The following CHD8 variants were observed in gnomAD, a reference collection of about 807,000 sequenced individuals.
CHD8 encodes chromodomain helicase DNA binding protein 8.
Under a neutral mutation model 279.2 loss-of-function variants are expected in CHD8, and 31 were observed. The ratio of observed to expected loss-of-function variants is 0.11; its 90% confidence interval spans 0.08 to 0.15. The LOEUF is 0.15. Among genes scored for constraint, CHD8 ranks in the 10% least tolerant of loss-of-function variants. The pLI, the probability that CHD8 is intolerant of heterozygous loss-of-function variation, is 1.00. For synonymous variants in CHD8, 1,081 were observed against 1,139.6 expected (o/e 0.95, Z 1.04); for missense variants, 2,146 against 3,230.5 (o/e 0.66, Z 8.14).
intron 26 of CHD8, chr14:21,399,263 G>A (rs1002988866): frequency 3.3e-5 from 10 of 303,004 alleles, no homozygotes; most frequent in Admixed American, 1.8e-4. Flanking sequence ...TAAATTAAGT[G>A]TGATTATTAT....
intron 27 of CHD8, among the ~76,000 whole-genome samples, chr14:21,396,109 C>T (rs1887772067): frequency 6.6e-6 from 1 of 151,996 alleles, no homozygotes; most frequent in African/African-American, 2.4e-5. Flanking sequence ...CGATCCTCCT[C>T]CCTCAGCCTC....
At position 21,392,513 on chromosome 14, in the gene CHD8, G is replaced by C; in HGVS notation, c.6765C>G (p.Ile2255Met). The C allele has an allele frequency of 1.9e-6, 3 of 1,611,608 alleles. No homozygotes were observed. Among genetic ancestry groups the C allele is most frequent in the Non-Finnish European group, 2.5e-6 (3 of 1,179,360 alleles). ...GCCCAAATGCTGAGCTTACATCTTTGATTTGAACTGTAAACTCCTTTTCAT... is the reference window on the plus strand; with the variant it reads ...GCCCAAATGCTGAGCTTACATCTTTCATTTGAACTGTAAACTCCTTTTCAT... ...GMDEKEFTVQIKDEEGLKLTF... is the reference protein window; with the variant it reads ...GMDEKEFTVQMKDEEGLKLTF... Residue 2255 changes from isoleucine to methionine, a missense_variant, in exon 34 of 38, where the codon ATC (isoleucine) becomes ATG (methionine). Coordinates refer to ENST00000646647, the MANE Select transcript of CHD8 (RefSeq NM_001170629.2).
chr14:21,432,863 A>G (rs1889621480), intron 1 of CHD8, among the ~76,000 whole-genome samples: 1 of 152,212 alleles, frequency 6.6e-6, no homozygotes, highest in African/African-American at 2.4e-5. Context: ...TTTTATTATA[A>G]TGACCTAAGT....
chr14:21,385,863 G>GGGTGGT lies in CHD8; in HGVS notation c.7490_7495dup (p.His2497_His2498dup), dbSNP rs774490485. Reference sequence around the variant, plus strand: ...GTGATGGTGGTGATGGTGGGGGTGGGGGTGGTGGTGGTGGTGATGAAGCAT... The same window carrying GGGTGGT: ...GTGATGGTGGTGATGGTGGGGGTGGGGGTGGTGGTGGTGGTGGTGGTGATGAAGCAT... On this transcript the variant is annotated inframe_insertion, in exon 38 of 38. Coordinates refer to ENST00000646647, the MANE Select transcript of CHD8 (RefSeq NM_001170629.2). The GGGTGGT allele has an allele frequency of 3.2e-6, 5 of 1,542,422 alleles. No homozygotes were observed. The highest frequency in any genetic ancestry group is 1.4e-5 in the African/African-American group (1 of 72,652).
chr14:21,418,920 A>G (rs1452477699), intron 5 of CHD8, among the ~76,000 whole-genome samples: 1 of 152,224 alleles, frequency 6.6e-6, no homozygotes, highest in Admixed American at 6.5e-5. Context: ...GGAGTGAGGA[A>G]CTGGACTGAC....
rs1393660860 is a variant in CHD8, at chr14:21,403,223, ATCGC to A, written c.3519-15_3519-12del. On this transcript the variant is annotated splice_polypyrimidine_tract_variant and intron_variant, in intron 17 of 37. Coordinates refer to ENST00000646647, the MANE Select transcript of CHD8 (RefSeq NM_001170629.2). This position sits in a 1 kb window ranked among gnomAD's most constrained non-coding sequence, Gnocchi z 4.3. ...CGTTCATATAAGTACCTGTATGGGA[ATCGC>A]AGAAAAAAAATGTAAGTGGCTAAGC... is the stretch of plus-strand genomic sequence containing the variant. 6.2e-7 allele frequency: 1 copy of A among 1,610,760 alleles called. No individual in the cohort carries two copies.
chr14:21,436,654 C>T (rs1889790553), intron 1 of CHD8, among the ~76,000 whole-genome samples: 1 of 152,124 alleles, frequency 6.6e-6, no homozygotes, highest in Non-Finnish European at 1.5e-5. Context: ...AGAAAGCACT[C>T]ACACCTCAAT....
chr14:21,404,398 T>TAAA (rs974957250), intron 16 of CHD8, among the ~76,000 whole-genome samples: 4 of 98,634 alleles, frequency 4.1e-5, no homozygotes, highest in Non-Finnish European at 4.2e-5. Flanking sequence ...AACTCCATCT[T>TAAA]AAAAAAAAAA....
chr14:21,424,563 A>C (rs1889217555), intron 5 of CHD8, among the ~76,000 whole-genome samples: 1 of 151,948 alleles, frequency 6.6e-6, no homozygotes, highest in Non-Finnish European at 1.5e-5. Context: ...CTCTGCTTCT[A>C]GGGTTCATGC....
intron 10 of CHD8, among the ~76,000 whole-genome samples, chr14:21,411,936 C>T (rs1050131246): frequency 3.9e-5 from 6 of 151,964 alleles, no homozygotes; most frequent in South Asian, 2.1e-4. Flanking sequence ...TGATGGCACA[C>T]GCTTGCAGTC....
chr14:21,443,322 T>C lies in CHD8; in HGVS notation c.-215-11464A>G, dbSNP rs973699665. On this transcript the variant is annotated intron_variant, in intron 1 of 37. Transcript: ENST00000646647. ...AGGAGAATGGCGTGAACCCGGGAGG[T>C]GGAGCTTGCAGTGAGCCGAGACTGC... Among the ~76,000 whole-genome samples, 46 of 148,736 alleles carry C rather than the reference T, an allele frequency of 3.1e-4. 2 individuals carry two copies. Among genetic ancestry groups the C allele is most frequent in the Admixed American group, 2.9e-3 (44 of 14,952 alleles).
chr14:21,437,877 C>G (rs1214864352), intron 1 of CHD8, among the ~76,000 whole-genome samples: 1 of 152,048 alleles, frequency 6.6e-6, no homozygotes, highest in Non-Finnish European at 1.5e-5. Flanking sequence ...ACCCTTAGCC[C>G]GCTCAAAACA....
intron 27 of CHD8, chr14:21,396,473 A>T (rs1182210101): frequency 6.6e-6 from 1 of 152,094 alleles, no homozygotes; most frequent in Non-Finnish European, 1.5e-5. Flanking sequence ...ATGCCAGGCT[A>T]ATTTTTGTAT....
intron 1 of CHD8, among the ~76,000 whole-genome samples, chr14:21,442,413 C>T (rs1889999711): frequency 6.6e-6 from 1 of 151,950 alleles, no homozygotes; most frequent in South Asian, 2.1e-4. Flanking sequence ...TGCAGTGAGT[C>T]AAGACTGTGC....
chr14:21,402,983 GGTAGTTA>G lies in CHD8; in HGVS notation c.3714+27_3714+33del. On this transcript the variant is annotated intron_variant, in intron 18 of 37. Coordinates refer to ENST00000646647, the MANE Select transcript of CHD8 (RefSeq NM_001170629.2). The surrounding 1 kb of genome is among the most constrained non-coding windows in gnomAD (Gnocchi z 4.5). ...TCTTGTTGAAAAATCTCCCAAGTTA[GGTAGTTA>G]GTCCCTAAGACAATGAATTCCTTTA... 1 of 1,532,074 alleles carries G rather than the reference GGTAGTTA, an allele frequency of 6.5e-7. No individual in the cohort carries two copies. Among genetic ancestry groups the G allele is most frequent in the Admixed American group, 1.8e-5 (1 of 54,920 alleles). The allele number at this position is 1,532,074 out of a possible 1,614,324, so 94.9% of individuals were successfully genotyped here. A position where few individuals can be genotyped will look rare whatever the true frequency, so the allele number is the denominator to read the frequency against.
At chr14:21,417,580 C>G (rs1448183375) in intron 5 of CHD8, among the ~76,000 whole-genome samples, 1 of 151,864 alleles carries the variant, frequency 6.6e-6, no homozygotes, top group Admixed American at 6.6e-5. Context: ...AATAGCCGGG[C>G]ACGGTGGCTC....
chr14:21,392,973 G>GTA, intron 33 of CHD8, 133 bp downstream of exon 33: 1 of 914,878 alleles, frequency 1.1e-6, no homozygotes, highest in Non-Finnish European at 1.5e-6. Context: ...GAAGTTTCCT[G>GTA]GAAAAAAAAA....
intron 5 of CHD8, among the ~76,000 whole-genome samples, chr14:21,423,269 C>CTT (rs1199273229): frequency 6.6e-6 from 1 of 152,006 alleles, no homozygotes; most frequent in East Asian, 1.9e-4. Flanking sequence ...GTTCTAAAGG[C>CTT]TGGTAAGTCC....
intron 1 of CHD8, among the ~76,000 whole-genome samples, chr14:21,438,259 C>G (rs1400740494): frequency 6.6e-6 from 1 of 152,032 alleles, no homozygotes; most frequent in Non-Finnish European, 1.5e-5. Flanking sequence ...CAGGGTTTCA[C>G]TATGTTGGCT....
Sources: allele counts gnomAD v4.1 joint callset (sites outside exome capture counted in the v4.1 genomes callset), GRCh38; gene constraint gnomAD v4.1.1; non-coding constraint Gnocchi (gnomAD v3.1); transcripts MANE v1.5; gene names NCBI Gene and HGNC (gene_info 2026-07-23, HGNC 2026-07-21).